Variants in IFNAR2 observed in about 807,000 individuals in gnomAD.
The protein encoded by IFNAR2 is interferon alpha and beta receptor subunit 2, also known as interferon alpha/beta receptor 2.
IFNAR2 carries 30 observed loss-of-function variants against 49.4 expected under a neutral mutation model. The observed-to-expected ratio is 0.61, with a 90% CI of 0.45 to 0.82. IFNAR2 has a LOEUF of 0.82. IFNAR2 is among the 40% of genes least tolerant of loss of function. IFNAR2 has a pLI of 0.00. For synonymous variants in IFNAR2, 224 were observed against 234.5 expected, an observed-to-expected ratio of 0.96 and a Z score of 0.41; for missense variants, 600 against 622.7, an observed-to-expected ratio of 0.96 and a Z score of 0.39.
chr21:33,244,318 C>A (rs1236318482), intron 3 of IFNAR2, among the ~76,000 whole-genome samples: 1 of 152,184 alleles, frequency 6.6e-6, no homozygotes, highest in Non-Finnish European at 1.5e-5. Flanking sequence ...ACTGCCACTT[C>A]CCACCTACAT....
At chr21:33,236,433 G>A (rs756599762) in intron 1 of IFNAR2, among the ~76,000 whole-genome samples, 48 of 152,106 alleles carry the variant, frequency 3.2e-4, no homozygotes, top group Non-Finnish European at 5.6e-4. Context: ...GGGTCTTTAC[G>A]TCTCTGCCTC....
rs765710965 is a variant in IFNAR2 at position 33,262,876 on chromosome 21, CAGAA to C, written c.929_932del (p.Lys310ArgfsTer32). The C allele has an allele frequency of 6.2e-6, 10 of 1,613,608 alleles. No individual in the cohort carries two copies. The highest frequency in any genetic ancestry group is 1.7e-5 in the Admixed American group (1 of 59,938). ...ATATGGTGGAGGTCATTTACATCAA[CAGAA>C]AGAAGAAAGTGTGGGATTATAATTA... On this transcript the variant is annotated frameshift_variant, in exon 9 of 9. Coordinates refer to ENST00000342136, the MANE Select transcript of IFNAR2 (RefSeq NM_001289125.3). LOFTEE classifies it high-confidence loss of function.
intron 5 of IFNAR2, among the ~76,000 whole-genome samples, chr21:33,248,036 CAG>C (rs1987568848): frequency 6.6e-6 from 1 of 152,118 alleles, no homozygotes; most frequent in African/African-American, 2.4e-5. Flanking sequence ...ATTAAAGTAA[CAG>C]TGAGATATGT....
chr21:33,249,343 C>CAA lies in IFNAR2; in HGVS notation c.540+509_540+510dup, dbSNP rs58744346. The stretch of plus-strand genomic sequence containing the variant: ...TGGGTGACAGAGCAAGACTCCGTCT[C>CAA]AAAAAAAAAAAAAAAAAAAAAGAGT... On this transcript the variant is annotated intron_variant, in intron 6 of 8. Coordinates refer to ENST00000342136, the MANE Select transcript of IFNAR2 (RefSeq NM_001289125.3). 2.8e-3 allele frequency among the ~76,000 whole-genome samples: 300 copies of CAA among 107,130 alleles called. 3 individuals are homozygous for CAA. Among genetic ancestry groups the CAA allele is most frequent in the African/African-American group, 9.5e-3 (263 of 27,818 alleles). The allele number at this position is 107,130 out of a possible 152,430, so 70.3% of individuals were successfully genotyped here. A position where few individuals can be genotyped will look rare whatever the true frequency, so the allele number is the denominator to read the frequency against.
chr21:33,235,083 A>G (rs943681195), intron 1 of IFNAR2, among the ~76,000 whole-genome samples: 1 of 152,332 alleles, frequency 6.6e-6, no homozygotes, highest in East Asian at 1.9e-4. Context: ...CTGTGGTGGC[A>G]CTGGTGGGAG....
chr21:33,244,066 C>T (rs999785475), intron 3 of IFNAR2, among the ~76,000 whole-genome samples: 3 of 152,172 alleles, frequency 2.0e-5, no homozygotes, highest in Non-Finnish European at 4.4e-5. Context: ...CCTGATGATT[C>T]CAGACAAAGG....
intron 7 of IFNAR2, among the ~76,000 whole-genome samples, chr21:33,253,716 G>A (rs1988023217): frequency 6.6e-6 from 1 of 152,218 alleles, no homozygotes; most frequent in Admixed American, 6.5e-5. Flanking sequence ...TTGATGATAT[G>A]CTAAACAAGG....
intron 2 of IFNAR2, 52 bp downstream of exon 2, chr21:33,242,029 C>G (rs773454526): frequency 5.8e-6 from 9 of 1,560,762 alleles, no homozygotes; most frequent in Non-Finnish European, 6.1e-6. Context: ...GTGATGCCAT[C>G]CTCACTGAGA....
At chr21:33,240,447 A>G (rs1986835694) in intron 1 of IFNAR2, among the ~76,000 whole-genome samples, 1 of 152,222 alleles carries the variant, frequency 6.6e-6, no homozygotes, top group Non-Finnish European at 1.5e-5. Flanking sequence ...ATAGCCTAAC[A>G]ATGAATTTCT....
At chr21:33,262,366 A>G (rs79032734) in intron 8 of IFNAR2, among the ~76,000 whole-genome samples, 4 of 61,308 alleles carry the variant, frequency 6.5e-5, no homozygotes, top group South Asian at 7.5e-4. Context: ...TCCCGTCTCA[A>G]AAAAAAAAAA....
intron 7 of IFNAR2, among the ~76,000 whole-genome samples, chr21:33,257,263 G>T (rs1431615859): frequency 2.6e-5 from 4 of 152,156 alleles, no homozygotes; most frequent in African/African-American, 9.7e-5. Flanking sequence ...TCGTGGTCTC[G>T]CTGACTTCAA....
At chr21:33,259,071 G>C (rs1468119049) in intron 7 of IFNAR2, among the ~76,000 whole-genome samples, 1 of 152,056 alleles carries the variant, frequency 6.6e-6, no homozygotes, top group Non-Finnish European at 1.5e-5. Context: ...AGATCATTGT[G>C]ATCAGATATT....
chr21:33,234,597 A>C (rs1986310027), intron 1 of IFNAR2, among the ~76,000 whole-genome samples: 1 of 152,184 alleles, frequency 6.6e-6, no homozygotes, highest in Non-Finnish European at 1.5e-5. Flanking sequence ...TTGTCTGTCT[A>C]GGAGGAGTTG....
rs1319365847 is a variant in IFNAR2 at position 33,230,828 on chromosome 21, G to A, written c.-84+612G>A. Among the ~76,000 whole-genome samples, 1 of 152,148 alleles carries A rather than the reference G, an allele frequency of 6.6e-6. No homozygotes were observed. Among genetic ancestry groups the A allele is most frequent in the Non-Finnish European group, 1.5e-5 (1 of 68,028 alleles). Reference sequence around the variant, plus strand: ...CAGAAGGGTGCACCCTCCCAGGGTCGGAGAGGGGAGATACTGGGAAGATAC... The same window carrying A: ...CAGAAGGGTGCACCCTCCCAGGGTCAGAGAGGGGAGATACTGGGAAGATAC... On this transcript the variant is annotated intron_variant, in intron 1 of 8. Transcript: ENST00000342136. The surrounding 1 kb of genome is among the most constrained non-coding windows in gnomAD (Gnocchi z 5.5).
intron 1 of IFNAR2, chr21:33,234,950 C>T (rs1986336662): frequency 6.5e-6 from 1 of 154,870 alleles, no homozygotes; most frequent in Non-Finnish European, 1.4e-5. Flanking sequence ...TGATCATATG[C>T]TAAACAAGTG....
chr21:33,257,202 T>C (rs929879175), intron 7 of IFNAR2, among the ~76,000 whole-genome samples: 1 of 152,158 alleles, frequency 6.6e-6, no homozygotes, highest in African/African-American at 2.4e-5. Context: ...CAGCCCCCTT[T>C]TGGGCAAGGG....
chr21:33,262,141 T>C, intron 8 of IFNAR2, among the ~76,000 whole-genome samples: 1 of 151,972 alleles, frequency 6.6e-6, no homozygotes. Flanking sequence ...CCAAGGCAGG[T>C]AGATCACGAG....
At chr21:33,240,702 G>A (rs532807218) in intron 1 of IFNAR2, among the ~76,000 whole-genome samples, 5 of 151,934 alleles carry the variant, frequency 3.3e-5, no homozygotes, top group Admixed American at 6.6e-5. Flanking sequence ...TGTAGTCTCA[G>A]CTACTTAGGG....
intron 1 of IFNAR2, 43 bp from the exon 2 acceptor site, chr21:33,241,797 G>T (rs1482559624): frequency 2.8e-5 from 40 of 1,433,928 alleles, no homozygotes; most frequent in Non-Finnish European, 3.7e-5. Flanking sequence ...TTCCTTACAG[G>T]TCTCTCATTA....
Sources: allele counts gnomAD v4.1 joint callset (sites outside exome capture counted in the v4.1 genomes callset), GRCh38; gene constraint gnomAD v4.1.1; non-coding constraint Gnocchi (gnomAD v3.1); transcripts MANE v1.5; gene names NCBI Gene and HGNC (gene_info 2026-07-23, HGNC 2026-07-21).